The following FUS variants were observed in gnomAD, a reference collection of about 807,000 sequenced individuals.
FUS encodes FUS RNA binding protein.
Under a neutral mutation model 82.7 loss-of-function variants are expected in FUS, and 5 were observed. The observed-to-expected ratio is 0.06, with a 90% CI of 0.03 to 0.13. FUS has a LOEUF of 0.13. Ranked by LOEUF, FUS falls within the 10% of genes least tolerant of loss-of-function variation. The pLI is 1.00. For missense variants in FUS, 512 were observed against 707.8 expected (o/e 0.72, Z 3.14); for synonymous variants, 281 against 247.4 (o/e 1.14, Z -1.27).
At chr16:31,193,833 A>G, downstream of FUS, 1 of 509,310 alleles carries the variant, frequency 2.0e-6, no homozygotes, top group Non-Finnish European at 3.8e-6. Context: ...TTTTTTTTTA[A>G]GAAACAGGGT....
chr16:31,180,613 C>T (rs1567467812), intron 1 of FUS, among the ~76,000 whole-genome samples: 1 of 152,208 alleles, frequency 6.6e-6, no homozygotes, highest in African/African-American at 2.4e-5. Context: ...GCGGCGCGCA[C>T]GCGCTCTGCG....
At chr16:31,194,056 A>G, downstream of FUS, 1 of 534,172 alleles carries the variant, frequency 1.9e-6, no homozygotes, top group Non-Finnish European at 3.6e-6. Flanking sequence ...GAGGGTGGGG[A>G]GAGCTGTGCT....
At chr16:31,193,052 T>G (rs750030096), downstream of FUS, 20 of 484,430 alleles carry the variant, frequency 4.1e-5, no homozygotes, top group Non-Finnish European at 7.8e-5. Context: ...AACTGCCGCC[T>G]CCTGGGTTCA....
At chr16:31,186,590 T>C (rs2079273732) in intron 6 of FUS, 1 of 609,202 alleles carries the variant, frequency 1.6e-6, no homozygotes, top group Non-Finnish European at 2.9e-6. Context: ...AAGCAAAATC[T>C]TTATAAACTG....
rs2079195634 is a variant in FUS at position 31,182,531 on chromosome 16, C to T, written c.57C>T (p.Thr19=). ...TATTTAGCTATGGGGCCTACCCCAC[C>T]CAGCCCGGGCAGGGCTATTCCCAGC... is the stretch of plus-strand genomic sequence containing the variant. ...QATQSYGAYP[T]QPGQGYSQQS... is the part of the protein sequence containing the mutation. The change falls in exon 3 of 15, where the codon ACC becomes ACT. Residue 19 remains threonine, a synonymous_variant. Coordinates refer to ENST00000254108, the MANE Select transcript of FUS (RefSeq NM_004960.4). 2.5e-6 allele frequency: 4 copies of T among 1,614,054 alleles called. No individual in the cohort carries two copies. Among genetic ancestry groups the T allele is most frequent in the Admixed American group, 3.3e-5 (2 of 59,990 alleles).
At chr16:31,193,193 C>G (rs777317212), downstream of FUS, 102 of 491,716 alleles carry the variant, frequency 2.1e-4, 1 homozygote, top group South Asian at 1.5e-3. Context: ...GTGCACACCT[C>G]AGCCTCCCAA....
chr16:31,188,319 C>T lies in FUS; in HGVS notation c.800-6C>T. The stretch of plus-strand genomic sequence containing the variant: ...TTTTTTGTTCTTTTTTTCCATGTCA[C>T]TAAAGGCCCTCGGGACCAAGGATCA... On this transcript the variant is annotated splice_region_variant and splice_polypyrimidine_tract_variant and intron_variant, in intron 7 of 14. Coordinates refer to ENST00000254108, the MANE Select transcript of FUS (RefSeq NM_004960.4). 1 of 1,612,222 alleles carries T rather than the reference C, an allele frequency of 6.2e-7. No individual in the cohort carries two copies. The highest frequency in any genetic ancestry group is 8.5e-7 in the Non-Finnish European group (1 of 1,179,692).
In FUS at chr16:31,188,335, C is replaced by T. The variant is rs1238867683; in HGVS notation, c.810C>T (p.Asp270=). ...GGFNKFGGPR[D]QGSRHDSEQD... ...TCCATGTCACTAAAGGCCCTCGGGA[C>T]CAAGGATCACGTCATGACTCCGGTG... Residue 270 remains aspartate, a synonymous_variant, in exon 8 of 15, where the codon GAC becomes GAT. Coordinates refer to ENST00000254108, the MANE Select transcript of FUS (RefSeq NM_004960.4). The T allele has an allele frequency of 3.7e-6, 6 of 1,612,874 alleles. No homozygotes were observed. In the East Asian group the frequency reaches 1.1e-4, roughly 30 times the overall value.
intron 8 of FUS, 106 bp downstream of exon 8, chr16:31,188,463 A>G (rs2079304777): frequency 1.1e-5 from 13 of 1,207,844 alleles, no homozygotes; most frequent in African/African-American, 1.5e-5. Context: ...AAATGGGGAT[A>G]GAGAAGGAAG....
At chr16:31,191,708 A>T, downstream of FUS, 1 of 675,608 alleles carries the variant, frequency 1.5e-6, no homozygotes, top group Non-Finnish European at 2.7e-6. Context: ...CAGGAACTGG[A>T]ATACAGTGTT....
In FUS at chr16:31,182,537, C is replaced by G. The variant is rs984488116; in HGVS notation, c.63C>G (p.Pro21=). The G allele has an allele frequency of 6.2e-7, 1 of 1,614,152 alleles. No individual in the cohort carries two copies. The highest frequency in any genetic ancestry group is 8.5e-7 in the Non-Finnish European group (1 of 1,180,024). Residue 21 remains proline (P), a synonymous_variant, in exon 3 of 15, where the codon CCC becomes CCG. Transcript: ENST00000254108. ...GCTATGGGGCCTACCCCACCCAGCC[C>G]GGGCAGGGCTATTCCCAGCAGAGCA... ...TQSYGAYPTQ[P]GQGYSQQSSQ...
chr16:31,182,793 T>C, intron 3 of FUS, 129 bp downstream of exon 3: 1 of 1,139,410 alleles, frequency 8.8e-7, no homozygotes, highest in African/African-American at 1.5e-5. Context: ...CTCAGCTCAC[T>C]GCAACATCAG....
intron 9 of FUS, among the ~76,000 whole-genome samples, chr16:31,189,428 T>A (rs558713171): frequency 2.0e-5 from 3 of 152,252 alleles, no homozygotes; most frequent in East Asian, 1.9e-4. Flanking sequence ...GTATAACTTA[T>A]CAGAGTACCC....
chr16:31,187,940 G>A lies in FUS; in HGVS notation c.800-385G>A, dbSNP rs567338611. On this transcript the variant is annotated intron_variant, in intron 7 of 14. Coordinates refer to ENST00000254108, the MANE Select transcript of FUS (RefSeq NM_004960.4). ...TGGATGGATGCACATCGCATGGCTG[G>A]TGGCGAGCCCATCTCTCTTCTCTCG... 185 of 312,900 alleles carry A rather than the reference G, an allele frequency of 5.9e-4. 5 individuals are homozygous for A. In the South Asian group the frequency reaches 7.4e-3, roughly 12 times the overall value. 19.4% of individuals were successfully genotyped at this position (312,900 alleles called of 1,614,324 possible). A position where few individuals can be genotyped will look rare whatever the true frequency, so the allele number is the denominator to read the frequency against.
rs372230338 is a variant in FUS, at chr16:31,190,679, T to C, written c.1293-63T>C. On this transcript the variant is annotated intron_variant, in intron 12 of 14. Coordinates refer to ENST00000254108, the MANE Select transcript of FUS (RefSeq NM_004960.4). ...TATCTCTAAAGTCACCGTAGTTTCTTCCTAGTTCTAGGTCTTGCCTATTCC... is the reference window on the plus strand; with the variant it reads ...TATCTCTAAAGTCACCGTAGTTTCTCCCTAGTTCTAGGTCTTGCCTATTCC... The C allele has an allele frequency of 6.2e-6, 9 of 1,458,802 alleles. No individual in the cohort carries two copies. In the African/African-American group the frequency reaches 1.1e-4, roughly 18 times the overall value. The allele number at this position is 1,458,802 out of a possible 1,614,324, so 90.4% of individuals were successfully genotyped here. A position where few individuals can be genotyped will look rare whatever the true frequency, so the allele number is the denominator to read the frequency against.
chr16:31,194,239 T>C (rs2079395440), downstream of FUS: 1 of 531,806 alleles, frequency 1.9e-6, no homozygotes, highest in African/African-American at 1.9e-5. Flanking sequence ...CATGTGAGAC[T>C]TGACTCACTG....
At chr16:31,191,230 C>T (rs2079353117) in intron 14 of FUS, 120 bp downstream of exon 14, 1 of 1,488,966 alleles carries the variant, frequency 6.7e-7, no homozygotes, top group African/African-American at 1.4e-5. Flanking sequence ...GAGGTTGTAA[C>T]CAGTAGTGGA....
At chr16:31,184,875 C>A in intron 5 of FUS, 64 bp from the exon 6 acceptor site, 1 of 1,557,756 alleles carries the variant, frequency 6.4e-7, no homozygotes, top group Non-Finnish European at 8.8e-7. Context: ...CCTTTTCAAA[C>A]CTTTTAGTGC....
chr16:31,190,522 T>G, intron 12 of FUS, 124 bp downstream of exon 12: 1 of 1,474,732 alleles, frequency 6.8e-7, no homozygotes, highest in Non-Finnish European at 9.5e-7. Flanking sequence ...GGGTCAGATT[T>G]AGCCAAAAGC....
Sources: allele counts gnomAD v4.1 joint callset (sites outside exome capture counted in the v4.1 genomes callset), GRCh38; gene constraint gnomAD v4.1.1; transcripts MANE v1.5; gene names NCBI Gene and HGNC (gene_info 2026-07-23, HGNC 2026-07-21).